Variants in TNNI3K observed in about 807,000 individuals in gnomAD.
TNNI3K encodes the protein TNNI3 interacting kinase, also known as serine/threonine-protein kinase TNNI3K.
Under a neutral mutation model 114.5 loss-of-function variants are expected in TNNI3K, and 140 were observed. The ratio of observed to expected loss-of-function variants is 1.22; its 90% CI spans 1.07 to 1.41. TNNI3K has a LOEUF of 1.41. TNNI3K is among the 40% of genes most tolerant of loss of function. The pLI is 0.00. For synonymous variants in TNNI3K, 347 were observed against 347.5 expected, an observed-to-expected ratio of 1.00 and a Z score of 0.02; for missense variants, 1,125 against 1,007.6, an observed-to-expected ratio of 1.12 and a Z score of -1.58.
intron 17 of TNNI3K, among the ~76,000 whole-genome samples, chr1:74,428,386 G>T (rs888040726): frequency 6.6e-6 from 1 of 152,082 alleles, no homozygotes; most frequent in South Asian, 2.1e-4. Flanking sequence ...TCAAACTAGG[G>T]TTGTTTTCTG....
chr1:74,448,027 G>A (rs1390909090), intron 20 of TNNI3K, among the ~76,000 whole-genome samples: 789 of 53,530 alleles, frequency 0.015, 7 homozygotes, highest in African/African-American at 0.058. Flanking sequence ...ACCAAACACC[G>A]CATATTCTCA....
chr1:74,403,914 C>T (rs953928152), intron 17 of TNNI3K, among the ~76,000 whole-genome samples: 1 of 152,138 alleles, frequency 6.6e-6, no homozygotes, highest in African/African-American at 2.4e-5. Context: ...TTGCCTGCAT[C>T]CTGTTCTTAT....
At chr1:74,522,569 A>G (rs1299332206) in intron 23 of TNNI3K, among the ~76,000 whole-genome samples, 1 of 152,148 alleles carries the variant, frequency 6.6e-6, no homozygotes, top group East Asian at 1.9e-4. Flanking sequence ...CATGAAAAAG[A>G]GAGAATCTGT....
rs1200321004 is a variant in TNNI3K at position 74,353,357 on chromosome 1, A to G, written c.1024A>G (p.Thr342Ala). 1.2e-6 allele frequency: 2 copies of G among 1,613,288 alleles called. No individual in the cohort carries two copies. Among genetic ancestry groups the G allele is most frequent in the African/African-American group, 1.3e-5 (1 of 74,870 alleles). ...CAACCACCAAGGAAGGGATGGGCAC[A>G]CTGGTAAGACTGTGGTGAAAACACC... ...NINHQGRDGH[T>A]GLHSACYHGH... The change falls in exon 10 of 25, where the codon ACT becomes GCT. Residue 342 changes from threonine (T) to alanine (A), a missense_variant. By Grantham distance (58) the Thr-to-Ala change is moderately conservative. Coordinates refer to ENST00000326637, the MANE Select transcript of TNNI3K (RefSeq NM_015978.3).
chr1:74,537,848 C>G (rs1269291873), intron 23 of TNNI3K, among the ~76,000 whole-genome samples: 1 of 152,092 alleles, frequency 6.6e-6, no homozygotes, highest in Admixed American at 6.6e-5. Flanking sequence ...TTGAGTTGGA[C>G]CTTTATTGAG....
intron 5 of TNNI3K, among the ~76,000 whole-genome samples, chr1:74,326,911 T>C (rs2100399404): frequency 6.6e-6 from 1 of 151,930 alleles, no homozygotes; most frequent in South Asian, 2.1e-4. Flanking sequence ...TGAAAACCTG[T>C]CTCTACTAAA....
In TNNI3K at chr1:74,371,485, C is replaced by G. The variant is rs1662603231; in HGVS notation, c.1772+1093C>G. 2.6e-5 allele frequency: 4 copies of G among 151,314 alleles called. No individual in the cohort carries two copies. The Admixed American group carries it at 2.6e-4, about 10-fold the overall frequency. 9.4% of individuals were successfully genotyped at this position (151,314 alleles called of 1,614,324 possible). On this transcript the variant is annotated intron_variant, in intron 17 of 24. Transcript: ENST00000326637. ...TAATTGCTTCTGAGGATTCTAACAA[C>G]AACTCTATGGAAGGGATGACATATG...
intron 17 of TNNI3K, among the ~76,000 whole-genome samples, chr1:74,391,965 T>TTTTTTGTTTTTTG (rs1553140592): frequency 4.5e-4 from 61 of 136,342 alleles, no homozygotes; most frequent in Non-Finnish European, 5.3e-4. Context: ...TTATTTTTTT[T>TTTTTTGTTTTTTG]TTTTTTTTTT....
intron 5 of TNNI3K, among the ~76,000 whole-genome samples, chr1:74,324,577 G>A (rs950084491): frequency 6.6e-6 from 1 of 152,078 alleles, no homozygotes; most frequent in Admixed American, 6.6e-5. Context: ...CCATAAACCT[G>A]AGTTTATAAG....
intron 23 of TNNI3K, among the ~76,000 whole-genome samples, chr1:74,534,352 A>C (rs1257074480): frequency 6.6e-6 from 1 of 152,210 alleles, no homozygotes; most frequent in African/African-American, 2.4e-5. Flanking sequence ...CTGCATACCC[A>C]TCTGAAGTCT....
intron 6 of TNNI3K, among the ~76,000 whole-genome samples, chr1:74,333,691 A>G (rs1660328500): frequency 6.6e-6 from 1 of 152,252 alleles, no homozygotes; most frequent in Admixed American, 6.5e-5. Flanking sequence ...TGGTACATTC[A>G]ATATATAAAT....
chr1:74,395,220 C>A (rs1029243041), intron 17 of TNNI3K, among the ~76,000 whole-genome samples: 13 of 152,064 alleles, frequency 8.5e-5, no homozygotes, highest in African/African-American at 3.1e-4. Flanking sequence ...CATCAGACAC[C>A]TGATCTTGCA....
At chr1:74,408,214 T>A (rs759758047) in intron 17 of TNNI3K, among the ~76,000 whole-genome samples, 10 of 152,160 alleles carry the variant, frequency 6.6e-5, no homozygotes, top group Non-Finnish European at 1.0e-4. Context: ...GGACATTGAA[T>A]GCCAAACCGA....
At chr1:74,532,458 T>C (rs2100444464) in intron 23 of TNNI3K, among the ~76,000 whole-genome samples, 1 of 108,120 alleles carries the variant, frequency 9.2e-6, no homozygotes, top group East Asian at 4.2e-4. Context: ...ATTATTATTT[T>C]TTTCTTTTTT....
chr1:74,509,804 G>T lies in TNNI3K; in HGVS notation c.2351+17538G>T, dbSNP rs114739818. On this transcript the variant is annotated intron_variant, in intron 23 of 24. Transcript: ENST00000326637. ...AGACAGGGTCTCACTTTGTTACCCA[G>T]TACAGTTGTGCGATTATGGCTCACT... 1.2e-3 allele frequency among the ~76,000 whole-genome samples: 124 copies of T among 107,138 alleles called. 1 individual carries two copies. Among genetic ancestry groups the T allele is most frequent in the Middle Eastern group, 0.012 (1 of 86 alleles). The allele number at this position is 107,138 out of a possible 152,430, so 70.3% of individuals were successfully genotyped here. A position where few individuals can be genotyped will look rare whatever the true frequency, so the allele number is the denominator to read the frequency against.
chr1:74,320,055 C>A (rs116688197), intron 5 of TNNI3K, among the ~76,000 whole-genome samples: 1 of 152,118 alleles, frequency 6.6e-6, no homozygotes, highest in Non-Finnish European at 1.5e-5. Flanking sequence ...ATATCTTGTT[C>A]ATTTCTGTTT....
intron 17 of TNNI3K, among the ~76,000 whole-genome samples, chr1:74,390,600 A>G (rs936004778): frequency 2.0e-5 from 3 of 152,122 alleles, no homozygotes; most frequent in East Asian, 3.8e-4. Context: ...TGTGCTCAGT[A>G]CTGAGGTTAT....
At chr1:74,518,625 C>T (rs1356999973) in intron 23 of TNNI3K, among the ~76,000 whole-genome samples, 2 of 152,150 alleles carry the variant, frequency 1.3e-5, no homozygotes, top group African/African-American at 2.4e-5. Context: ...CTGGGGAGCA[C>T]ACTGTCAGTG....
chr1:74,467,577 A>AT (rs1435861012), intron 21 of TNNI3K, among the ~76,000 whole-genome samples: 1 of 151,840 alleles, frequency 6.6e-6, no homozygotes, highest in Non-Finnish European at 1.5e-5. Flanking sequence ...TGGCAATTAT[A>AT]TTTTTTTCTC....
Sources: allele counts gnomAD v4.1 joint callset (sites outside exome capture counted in the v4.1 genomes callset), GRCh38; gene constraint gnomAD v4.1.1; transcripts MANE v1.5; gene names NCBI Gene and HGNC (gene_info 2026-07-23, HGNC 2026-07-21).